Variants in PPP2R3B observed in about 807,000 individuals in gnomAD.
PPP2R3B encodes the protein protein phosphatase 2 regulatory subunit B''beta.
Under a neutral mutation model 72.9 loss-of-function variants are expected in PPP2R3B, and 68 were observed. The ratio of observed to expected loss-of-function variants is 0.93; its 90% CI spans 0.77 to 1.14. The LOEUF (loss-of-function observed/expected upper bound fraction) is 1.14. Ranked by LOEUF, PPP2R3B falls within the 50% of genes most tolerant of loss-of-function variation. The pLI is 0.00. For missense variants in PPP2R3B, 1,018 were observed against 842.0 expected (o/e 1.21, Z -2.59); for synonymous variants, 466 against 375.8 (o/e 1.24, Z -2.78).
chrX:386,590 G>A lies in PPP2R3B; in HGVS notation c.102C>T (p.Asp34=). The A allele has an allele frequency of 6.9e-7, 1 of 1,450,210 alleles. No individual in the cohort carries two copies. Among genetic ancestry groups the A allele is most frequent in the Non-Finnish European group, 9.1e-7 (1 of 1,102,098 alleles). 89.8% of individuals were successfully genotyped at this position (1,450,210 alleles called of 1,614,324 possible). ...CGGGCGCCTTGATCCGGCGCAGGCA[G>A]TCCTGCAGCATCCGCTGCGTGCTGG... ...SEASTQRMLQ[D]CLRRIKAPGR... The change falls in exon 1 of 13, where the codon GAC becomes GAT. Residue 34 remains aspartate, a synonymous_variant. Coordinates refer to ENST00000390665, the MANE Select transcript of PPP2R3B (RefSeq NM_013239.5).
At chrX:374,903 C>A (rs957488513) in intron 1 of PPP2R3B, among the ~76,000 whole-genome samples, 6 of 152,134 alleles carry the variant, frequency 3.9e-5, no homozygotes, top group African/African-American at 1.2e-4. Context: ...GTGGCACTGA[C>A]GCACCCAACC....
chrX:337,389 C>T (rs6645005), intron 12 of PPP2R3B: 110,240 of 152,020 alleles, frequency 0.73, 40,588 homozygotes, highest in Middle Eastern at 0.83. Flanking sequence ...CAGAAGGAGC[C>T]TATTCTTATG....
intron 1 of PPP2R3B, among the ~76,000 whole-genome samples, chrX:384,727 G>A (rs2072206622): frequency 6.6e-6 from 1 of 152,050 alleles, no homozygotes; most frequent in Non-Finnish European, 1.5e-5. Context: ...GCTCACGCCT[G>A]TCATCCCAGC....
chrX:380,462 T>A (rs768407838), intron 1 of PPP2R3B, among the ~76,000 whole-genome samples: 4 of 152,086 alleles, frequency 2.6e-5, no homozygotes, highest in Admixed American at 1.3e-4. Context: ...TTCCTCGGCG[T>A]CACCAGGCCG....
intron 1 of PPP2R3B, among the ~76,000 whole-genome samples, chrX:363,620 C>A (rs759808772): frequency 3.0e-4 from 16 of 53,324 alleles, no homozygotes; most frequent in Admixed American, 5.5e-4. Flanking sequence ...CACAATGCAT[C>A]TCCCCGAGCC....
At position 334,112 on chromosome X, in the gene PPP2R3B, A is replaced by C; in HGVS notation, c.*255T>G. 1 of 376,026 alleles carries C rather than the reference A, an allele frequency of 2.7e-6. No homozygotes were observed. The highest frequency in any genetic ancestry group is 4.4e-5 in the East Asian group (1 of 22,836). The allele number at this position is 376,026 out of a possible 1,614,324, so 23.3% of individuals were successfully genotyped here. ...GCCCCGGAACCCAGGCTGGGTCGGGAACGGCAAGCGCCAGAGGGTGTCCGT... is the reference window on the plus strand; with the variant it reads ...GCCCCGGAACCCAGGCTGGGTCGGGCACGGCAAGCGCCAGAGGGTGTCCGT... On this transcript the variant is annotated 3_prime_UTR_variant, in exon 13 of 13. Coordinates refer to ENST00000390665, the MANE Select transcript of PPP2R3B (RefSeq NM_013239.5).
intron 7 of PPP2R3B, chrX:342,380 GT>G (rs1285388718): frequency 8.1e-5 from 15 of 185,332 alleles, no homozygotes; most frequent in Admixed American, 4.1e-4. Context: ...GGAGGCGGGA[GT>G]GAGACCTCAG....
chrX:373,191 G>A (rs1219888127), intron 1 of PPP2R3B, among the ~76,000 whole-genome samples: 2 of 152,182 alleles, frequency 1.3e-5, no homozygotes, highest in Non-Finnish European at 2.9e-5. Flanking sequence ...ACTCCCAGGC[G>A]CTGACGGCTC....
At position 340,773 on chromosome X, in the gene PPP2R3B, C is replaced by A; in HGVS notation, c.1343G>T (p.Arg448Met). 1 of 1,497,610 alleles carries A rather than the reference C, an allele frequency of 6.7e-7. No homozygotes were observed. Among genetic ancestry groups the A allele is most frequent in the Non-Finnish European group, 8.9e-7 (1 of 1,118,752 alleles). The allele number at this position is 1,497,610 out of a possible 1,614,324, so 92.8% of individuals were successfully genotyped here. Residue 448 changes from arginine to methionine, a missense_variant, in exon 10 of 13, where the codon AGG (arginine) becomes ATG (methionine). Physicochemically the swap from Arg to Met is moderately conservative, Grantham distance 91 (BLOSUM62 -1). Coordinates refer to ENST00000390665, the MANE Select transcript of PPP2R3B (RefSeq NM_013239.5). ...CCCTCACGGGGCATCACCTTCAGTCCTCGGCTTGACCAGGTCCAGCATCTG... is the reference window on the plus strand; with the variant it reads ...CCCTCACGGGGCATCACCTTCAGTCATCGGCTTGACCAGGTCCAGCATCTG... ...LCQMLDLVKP[R>M]TEGKITLQDL...
chrX:364,530 AAAAACAGAAAACAAAAAAC>A (rs1228145321), intron 1 of PPP2R3B, among the ~76,000 whole-genome samples: 1 of 151,286 alleles, frequency 6.6e-6, no homozygotes, highest in African/African-American at 2.4e-5. Flanking sequence ...ACAAAAAAAA[AAAAACAGAAAACAAAAAAC>A]AAAAAGAGTA....
chrX:335,294 AC>A (rs2070858670), intron 12 of PPP2R3B: 1 of 152,352 alleles, frequency 6.6e-6, no homozygotes, highest in African/African-American at 2.4e-5. Context: ...GGACAGGCGC[AC>A]ACCCATCCAG....
intron 1 of PPP2R3B, among the ~76,000 whole-genome samples, chrX:380,508 G>C (rs950241287): frequency 6.6e-6 from 1 of 152,104 alleles, no homozygotes; most frequent in East Asian, 1.9e-4. Context: ...AGTACTGGCC[G>C]GGTGTGGTTG....
chrX:383,066 G>T (rs1478726594), intron 1 of PPP2R3B, among the ~76,000 whole-genome samples: 1 of 152,176 alleles, frequency 6.6e-6, no homozygotes, highest in African/African-American at 2.4e-5. Context: ...GATGCGTCCT[G>T]GGGCCCTGAG....
chrX:383,867 A>AAAAC (rs2072183640), intron 1 of PPP2R3B, among the ~76,000 whole-genome samples: 1 of 138,536 alleles, frequency 7.2e-6, no homozygotes, highest in African/African-American at 2.7e-5. Flanking sequence ...AAAAAAAAAA[A>AAAAC]CCAAAAAAAC....
intron 4 of PPP2R3B, 94 bp from the exon 5 acceptor site, chrX:346,869 G>A (rs1330922762): frequency 8.3e-7 from 1 of 1,204,774 alleles, no homozygotes; most frequent in Non-Finnish European, 1.2e-6. Context: ...CCTCCCGTGA[G>A]CGATGAGGTG....
At chrX:346,117 G>A (rs2071204494) in intron 6 of PPP2R3B, 57 bp downstream of exon 6, 1 of 1,127,584 alleles carries the variant, frequency 8.9e-7, no homozygotes, top group Non-Finnish European at 1.2e-6. Context: ...GGAAGGGAGT[G>A]GAGGTAGGAG....
rs955334270 is a variant in PPP2R3B, at chrX:346,190, C to T, written c.863G>A (p.Arg288Lys). The T allele has an allele frequency of 1.8e-5, 28 of 1,562,834 alleles. No individual in the cohort carries two copies. Among genetic ancestry groups the T allele is most frequent in the East Asian group, 2.4e-5 (1 of 41,792 alleles). ...SGRITCAELR[R>K]SSFLQNVALL... ...GCTCCGCACCTGCAGGAAGGAGCTC[C>T]TCCGCAGCTCGGCGCAGGTGATCCT... The change falls in exon 6 of 13, where the codon AGG (arginine) becomes AAG (lysine). Residue 288 changes from arginine to lysine, a missense_variant. Coordinates refer to ENST00000390665, the MANE Select transcript of PPP2R3B (RefSeq NM_013239.5).
Position 367,814 on chromosome X carries a change from A to C in PPP2R3B, c.325-6224T>G, listed in dbSNP as rs1286055289. On this transcript the variant is annotated intron_variant, in intron 1 of 12. Coordinates refer to ENST00000390665, the MANE Select transcript of PPP2R3B (RefSeq NM_013239.5). The stretch of plus-strand genomic sequence containing the variant: ...GACACAGAGGACAGAAAGACAGGAG[A>C]TATATGTGACTTAAGGACCCAGAGG... 5.3e-3 allele frequency among the ~76,000 whole-genome samples: 807 copies of C among 152,314 alleles called. 11 individuals are homozygous for C. Among genetic ancestry groups the C allele is most frequent in the African/African-American group, 0.019 (771 of 41,568 alleles).
At position 353,074 on chromosome X, in the gene PPP2R3B, C is replaced by T. The variant is rs2071363381; in HGVS notation, c.511-5381G>A. Among the ~76,000 whole-genome samples the T allele has an allele frequency of 4.6e-5, 7 of 152,054 alleles. No homozygotes were observed. In the South Asian group the frequency reaches 1.5e-3, roughly 32 times the overall value. On this transcript the variant is annotated intron_variant, in intron 2 of 12. Transcript: ENST00000390665. ...CTGAGTTCTTGTGAGATCCGATGGT[C>T]TAAAAGTGGGTGGCAGTGGCCGGGT...
Sources: gnomAD v4.1 joint callset for allele counts (sites outside exome capture counted in the v4.1 genomes callset) on GRCh38, gnomAD v4.1.1 for gene constraint, MANE v1.5 for transcripts, NCBI Gene and HGNC (gene_info 2026-07-23, HGNC 2026-07-21) for gene names.